The following IARS2 variants were observed in gnomAD, a reference collection of about 807,000 sequenced individuals.
The protein encoded by IARS2 is isoleucine--tRNA ligase, mitochondrial.
A neutral mutation model predicts 126.3 loss-of-function variants in IARS2; 56 were observed. The ratio of observed to expected loss-of-function variants is 0.44; its 90% CI spans 0.36 to 0.55. The LOEUF is 0.55. Ranked by LOEUF, IARS2 falls within the 20% of genes least tolerant of loss-of-function variation. The pLI is 0.00. For synonymous variants in IARS2, 407 were observed against 441.1 expected (o/e 0.92, Z 0.97); for missense variants, 1,127 against 1,245.9 (o/e 0.90, Z 1.44).
At chr1:220,136,657 G>T in intron 15 of IARS2, 152 bp from the exon 16 acceptor site, 1 of 396,044 alleles carries the variant, frequency 2.5e-6, no homozygotes. Flanking sequence ...AAAAAAAAGA[G>T]AAGAAAAGAA....
rs1423203446 is a variant in IARS2, at chr1:220,110,841, T to C, written c.1383T>C (p.His461=). The change falls in exon 11 of 23, where the codon CAT becomes CAC. Residue 461 remains histidine (H), a synonymous_variant. Transcript: ENST00000366922. ...KNLLKEEKLV[H]SYPYDWRTKK... ...TGTTGAAAGAGGAGAAATTGGTGCA[T>C]AGCTATCCGTATGACTGGAGGACCA... 1.9e-6 allele frequency: 3 copies of C among 1,613,334 alleles called. No individual in the cohort carries two copies. Among genetic ancestry groups the C allele is most frequent in the Non-Finnish European group, 2.5e-6 (3 of 1,179,332 alleles).
At position 220,102,760 on chromosome 1, in the gene IARS2, C is replaced by T; in HGVS notation, c.933C>T (p.Cys311=). 6.2e-7 allele frequency: 1 copy of T among 1,610,500 alleles called. No individual in the cohort carries two copies. The highest frequency in any genetic ancestry group is 8.5e-7 in the Non-Finnish European group (1 of 1,176,820). The part of the protein sequence containing the change: ...PWTIPANEAV[C]YMPESKYAVV... ...CGATTCCAGCCAATGAAGCTGTTTG[C>T]TATATGCCTGAATCAAAGTGGGTAT... Residue 311 remains cysteine (C), a synonymous_variant, in exon 7 of 23, where the codon TGC becomes TGT. Coordinates refer to ENST00000366922, the MANE Select transcript of IARS2 (RefSeq NM_018060.4).
At chr1:220,112,074 A>G (rs2102823761) in intron 11 of IARS2, among the ~76,000 whole-genome samples, 1 of 151,938 alleles carries the variant, frequency 6.6e-6, no homozygotes, top group Non-Finnish European at 1.5e-5. Flanking sequence ...TTTCAACAAT[A>G]ATCAACTTTT....
intron 8 of IARS2, among the ~76,000 whole-genome samples, chr1:220,103,984 T>C (rs751186697): frequency 1.3e-5 from 2 of 152,228 alleles, no homozygotes; most frequent in African/African-American, 2.4e-5. Flanking sequence ...TTTTATTTTA[T>C]TTTTTAAAGA....
chr1:220,137,412 G>A lies in IARS2; in HGVS notation c.2049+501G>A, dbSNP rs181937925. 3.7e-3 allele frequency among the ~76,000 whole-genome samples: 556 copies of A among 152,216 alleles called. 1 individual carries two copies. The highest frequency in any genetic ancestry group is 6.5e-3 in the Non-Finnish European group (441 of 68,016). ...GTCCTAAATGTACATCAAATCTGAGGTTGCTGATAATTTGGGGGGGTTTTT... is the reference window on the plus strand; with the variant it reads ...GTCCTAAATGTACATCAAATCTGAGATTGCTGATAATTTGGGGGGGTTTTT... On this transcript the variant is annotated intron_variant, in intron 16 of 22. Transcript: ENST00000366922.
chr1:220,120,870 G>A lies in IARS2; in HGVS notation c.1641-4367G>A, dbSNP rs569356016. On this transcript the variant is annotated intron_variant, in intron 12 of 22. Transcript: ENST00000366922. ...TTATCTAGAATCTCATAATAGAACC[G>A]AATTATAGAACATAATGCTTACTAA... 2.6e-5 allele frequency among the ~76,000 whole-genome samples: 4 copies of A among 152,062 alleles called. 1 individual carries two copies. The highest frequency in any genetic ancestry group is 3.9e-4 in the East Asian group (2 of 5,176).
At chr1:220,121,625 A>G (rs1657053429) in intron 12 of IARS2, among the ~76,000 whole-genome samples, 1 of 152,118 alleles carries the variant, frequency 6.6e-6, no homozygotes, top group Non-Finnish European at 1.5e-5. Flanking sequence ...TTTTTTTAAA[A>G]TAGATGTGGG....
chr1:220,096,111 G>T lies in IARS2; in HGVS notation c.275G>T (p.Gly92Val). ...DTELEIQQKC[G>V]FSELYSWQRE... Reference sequence around the variant, plus strand: ...TTTTTTTTTTTAAAACAGAAATGTGGATTTTCAGAACTTTATTCATGGCAA... The same window carrying T: ...TTTTTTTTTTTAAAACAGAAATGTGTATTTTCAGAACTTTATTCATGGCAA... The change falls in exon 2 of 23, where the codon GGA becomes GTA. Residue 92 changes from glycine to valine, a missense_variant. Coordinates refer to ENST00000366922, the MANE Select transcript of IARS2 (RefSeq NM_018060.4). The T allele has an allele frequency of 6.9e-7, 1 of 1,455,896 alleles. No homozygotes were observed. Among genetic ancestry groups the T allele is most frequent in the South Asian group, 1.2e-5 (1 of 81,942 alleles). 90.2% of individuals were successfully genotyped at this position (1,455,896 alleles called of 1,614,324 possible).
At chr1:220,138,261 A>G (rs1269725193) in intron 17 of IARS2, among the ~76,000 whole-genome samples, 1 of 152,156 alleles carries the variant, frequency 6.6e-6, no homozygotes, top group African/African-American at 2.4e-5. Context: ...TCACGAGGTC[A>G]GGAGTTCGAG....
At chr1:220,107,583 C>T (rs185392755) in intron 10 of IARS2, among the ~76,000 whole-genome samples, 1 of 152,170 alleles carries the variant, frequency 6.6e-6, no homozygotes, top group Non-Finnish European at 1.5e-5. Context: ...GATTCAGAGA[C>T]CAAGTGCTAT....
intron 18 of IARS2, among the ~76,000 whole-genome samples, chr1:220,139,864 TGAAG>T (rs1264519572): frequency 2.0e-5 from 3 of 152,222 alleles, no homozygotes; most frequent in African/African-American, 7.2e-5. Flanking sequence ...GAGGCATAAA[TGAAG>T]GAACACTAAT....
chr1:220,126,843 G>C lies in IARS2; in HGVS notation c.1837G>C (p.Gly613Arg). 1 of 1,598,840 alleles carries C rather than the reference G, an allele frequency of 6.3e-7. No individual in the cohort carries two copies. Among genetic ancestry groups the C allele is most frequent in the Non-Finnish European group, 8.5e-7 (1 of 1,172,586 alleles). Reference protein sequence around the residue: ...SGTSWSYVLPGPDQRADLYLE... With the variant: ...SGTSWSYVLPRPDQRADLYLE... The stretch of plus-strand genomic sequence containing the variant: ...AACTTCATGGTCTTATGTTCTTCCA[G>C]GTAATTCTTAAAAATAGATATATGC... The change falls in exon 14 of 23, where the codon GGT becomes CGT. Residue 613 changes from glycine to arginine, a missense_variant and splice_region_variant. By Grantham distance (125) the Gly-to-Arg change is moderately radical. Coordinates refer to ENST00000366922, the MANE Select transcript of IARS2 (RefSeq NM_018060.4).
intron 10 of IARS2, among the ~76,000 whole-genome samples, chr1:220,108,267 G>C (rs1432548167): frequency 1.3e-5 from 2 of 151,448 alleles, no homozygotes; most frequent in Non-Finnish European, 2.9e-5. Flanking sequence ...TCACCATGTT[G>C]GCCAGGCTGG....
chr1:220,134,773 T>G, intron 15 of IARS2: 5 of 221,246 alleles, frequency 2.3e-5, no homozygotes, highest in East Asian at 1.7e-4. Flanking sequence ...TTGTTGTTTT[T>G]TTTTTTTTTT....
intron 1 of IARS2, 52 bp from the exon 2 acceptor site, chr1:220,096,046 TAGACTC>T (rs1656431486): frequency 1.0e-6 from 1 of 975,876 alleles, no homozygotes; most frequent in Admixed American, 2.3e-5. Flanking sequence ...TATTTATGGT[TAGACTC>T]AGGAGTATGT....
At chr1:220,103,829 A>C (rs1656629137) in intron 8 of IARS2, among the ~76,000 whole-genome samples, 1 of 152,250 alleles carries the variant, frequency 6.6e-6, no homozygotes, top group African/African-American at 2.4e-5. Flanking sequence ...TGCAAAATTA[A>C]TTTTTAAAAT....
At position 220,147,473 on chromosome 1, in the gene IARS2, C is replaced by T. The variant is rs749152911; in HGVS notation, c.2897-20C>T. The stretch of plus-strand genomic sequence containing the variant: ...AAGTTGAATGCCTATCAGAAATACT[C>T]TTCATGTATTTTTTTATAGGTGGTG... On this transcript the variant is annotated intron_variant, in intron 22 of 22. Transcript: ENST00000366922. 4.3e-6 allele frequency: 7 copies of T among 1,611,106 alleles called. No individual in the cohort carries two copies. Among genetic ancestry groups the T allele is most frequent in the Non-Finnish European group, 5.9e-6 (7 of 1,177,456 alleles).
intron 14 of IARS2, among the ~76,000 whole-genome samples, chr1:220,127,094 C>T (rs916126650): frequency 1.3e-5 from 2 of 152,164 alleles, no homozygotes; most frequent in Non-Finnish European, 2.9e-5. Flanking sequence ...TATTTTTCCT[C>T]CTTTCAACCA....
chr1:220,143,944 T>C (rs1657536753), intron 21 of IARS2: 4 of 1,198,336 alleles, frequency 3.3e-6, no homozygotes, highest in South Asian at 1.3e-5. Flanking sequence ...TTTGTAAATA[T>C]ATGTATTACA....
Sources: gnomAD v4.1 joint callset for allele counts (sites outside exome capture counted in the v4.1 genomes callset) on GRCh38, gnomAD v4.1.1 for gene constraint, MANE v1.5 for transcripts, NCBI Gene and HGNC (gene_info 2026-07-23, HGNC 2026-07-21) for gene names.